Variants in FBXL7 observed in about 807,000 individuals in gnomAD.
FBXL7 encodes F-box/LRR-repeat protein 7.
In FBXL7, 12 loss-of-function variants were observed where a neutral mutation model predicts 38.3. That is an observed-to-expected ratio of 0.31 (90% CI 0.20 to 0.51). FBXL7 has a LOEUF of 0.51. Among genes scored for constraint, FBXL7 ranks in the 20% least tolerant of loss-of-function variants. FBXL7 has a pLI of 0.98. For missense variants in FBXL7, 567 were observed against 676.4 expected (o/e 0.84, Z 1.79); for synonymous variants, 297 against 300.9 (o/e 0.99, Z 0.13).
At chr5:15,698,765 T>G (rs1743425855) in intron 2 of FBXL7, among the ~76,000 whole-genome samples, 1 of 152,226 alleles carries the variant, frequency 6.6e-6, no homozygotes, top group Admixed American at 6.5e-5. Context: ...TAGAACAATT[T>G]TCCATAACAA....
intron 2 of FBXL7, among the ~76,000 whole-genome samples, chr5:15,860,934 A>G (rs1236057682): frequency 2.6e-5 from 4 of 152,192 alleles, no homozygotes; most frequent in Non-Finnish European, 4.4e-5. Flanking sequence ...GTTATGGTGG[A>G]ACCGCAGTTC....
chr5:15,796,636 C>T (rs999987087), intron 2 of FBXL7, among the ~76,000 whole-genome samples: 10 of 152,202 alleles, frequency 6.6e-5, no homozygotes, highest in African/African-American at 2.4e-4. Flanking sequence ...GTTTTATACC[C>T]TGCCGTGACA....
At chr5:15,754,464 T>C (rs562532442) in intron 2 of FBXL7, among the ~76,000 whole-genome samples, 148 of 152,208 alleles carry the variant, frequency 9.7e-4, no homozygotes, top group African/African-American at 2.9e-3. Context: ...AGCTGAGCAT[T>C]TGGTTGGACT....
rs567779790 is a variant in FBXL7, at chr5:15,933,989, G to GT, written c.740-2460dup. Among the ~76,000 whole-genome samples, 321 of 151,780 alleles carry GT rather than the reference G, an allele frequency of 2.1e-3. 1 individual carries two copies. The highest frequency in any genetic ancestry group is 3.6e-3 in the Non-Finnish European group (246 of 68,016). On this transcript the variant is annotated intron_variant, in intron 3 of 3. Transcript: ENST00000504595. ...TATAAAATATTAGGTTGGTGCAAAA[G>GT]TAATTGCGGTTTTTGTCTTTATTTA... is the stretch of plus-strand genomic sequence containing the variant.
At chr5:15,562,402 T>C (rs968061921) in intron 1 of FBXL7, among the ~76,000 whole-genome samples, 6 of 152,130 alleles carry the variant, frequency 3.9e-5, no homozygotes, top group South Asian at 2.1e-4. Flanking sequence ...AAGGAACTTA[T>C]GTAACTCAAT....
chr5:15,524,754 A>T (rs866525634), intron 1 of FBXL7, among the ~76,000 whole-genome samples: 3 of 152,214 alleles, frequency 2.0e-5, no homozygotes, highest in Non-Finnish European at 4.4e-5. Flanking sequence ...TCCATTTATC[A>T]TAGGAGATTA....
At chr5:15,871,200 G>A (rs1490220604) in intron 2 of FBXL7, among the ~76,000 whole-genome samples, 1 of 152,168 alleles carries the variant, frequency 6.6e-6, no homozygotes, top group East Asian at 1.9e-4. Context: ...GCAAACTCCA[G>A]CAGACCTGCA....
At chr5:15,753,455 A>G (rs907298835) in intron 2 of FBXL7, among the ~76,000 whole-genome samples, 2 of 152,224 alleles carry the variant, frequency 1.3e-5, no homozygotes, top group African/African-American at 4.8e-5. Flanking sequence ...CAAAGGCTCC[A>G]AAATATGCAC....
chr5:15,552,438 A>G (rs764396189), intron 1 of FBXL7, among the ~76,000 whole-genome samples: 3 of 152,086 alleles, frequency 2.0e-5, no homozygotes, highest in Non-Finnish European at 4.4e-5. Flanking sequence ...GGTCTCATTG[A>G]CTCACACATT....
intron 2 of FBXL7, among the ~76,000 whole-genome samples, chr5:15,775,257 GT>G (rs559391933): frequency 6.6e-5 from 10 of 152,036 alleles, no homozygotes; most frequent in Admixed American, 3.9e-4. Context: ...TTAGAGTTGG[GT>G]TTTTTGTTAT....
At chr5:15,853,445 G>A (rs1413761633) in intron 2 of FBXL7, among the ~76,000 whole-genome samples, 1 of 152,080 alleles carries the variant, frequency 6.6e-6, no homozygotes, top group Non-Finnish European at 1.5e-5. Context: ...TAGAGACCTC[G>A]AGTTGAGAGA....
intron 2 of FBXL7, among the ~76,000 whole-genome samples, chr5:15,776,674 A>G (rs1030536046): frequency 2.0e-5 from 3 of 152,140 alleles, no homozygotes; most frequent in Admixed American, 1.3e-4. Context: ...AATTTCTCGC[A>G]TATGTTTCTT....
intron 2 of FBXL7, among the ~76,000 whole-genome samples, chr5:15,648,361 G>T (rs1741603819): frequency 6.6e-6 from 1 of 152,180 alleles, no homozygotes; most frequent in South Asian, 2.1e-4. Flanking sequence ...AGGTGAAAGG[G>T]TGTGTATGAA....
chr5:15,719,169 G>A (rs547819380), intron 2 of FBXL7, among the ~76,000 whole-genome samples: 45 of 151,754 alleles, frequency 3.0e-4, no homozygotes, highest in East Asian at 1.6e-3. Flanking sequence ...TTACACCCTC[G>A]TTTTTTTTCC....
chr5:15,719,080 C>G (rs965372477), intron 2 of FBXL7, among the ~76,000 whole-genome samples: 1 of 152,158 alleles, frequency 6.6e-6, no homozygotes, highest in Non-Finnish European at 1.5e-5. Context: ...CTACAGTTAT[C>G]GGAAGGCCAG....
intron 2 of FBXL7, among the ~76,000 whole-genome samples, chr5:15,767,916 T>A (rs1471763996): frequency 2.6e-5 from 4 of 152,208 alleles, no homozygotes; most frequent in African/African-American, 9.6e-5. Context: ...TTCTTAATAA[T>A]CACACATTTT....
At position 15,928,365 on chromosome 5, in the gene FBXL7, C is replaced by T. The variant is rs1024392009; in HGVS notation, c.603C>T (p.Asp201=). ...VTVSGCRRLT[D]RGLYTIAQCC... ...TCAGTGGCTGCAGGCGGCTCACAGA[C>T]CGAGGGCTGTACACCATCGCCCAGT... is the stretch of plus-strand genomic sequence containing the variant. Residue 201 remains aspartate, a synonymous_variant, in exon 3 of 4, where the codon GAC becomes GAT. Transcript: ENST00000504595. The surrounding 1 kb of genome is among the most constrained non-coding windows in gnomAD (Gnocchi z 4.0). The T allele has an allele frequency of 1.7e-5, 27 of 1,614,014 alleles. No homozygotes were observed. Among genetic ancestry groups the T allele is most frequent in the Non-Finnish European group, 2.3e-5 (27 of 1,179,902 alleles).
chr5:15,727,031 T>G (rs1735422159), intron 2 of FBXL7, among the ~76,000 whole-genome samples: 1 of 152,174 alleles, frequency 6.6e-6, no homozygotes, highest in African/African-American at 2.4e-5. Flanking sequence ...AAGGATTACA[T>G]TTAACATCCT....
chr5:15,635,544 A>G (rs1741153012), intron 2 of FBXL7, among the ~76,000 whole-genome samples: 1 of 152,190 alleles, frequency 6.6e-6, no homozygotes, highest in South Asian at 2.1e-4. Flanking sequence ...GATGTATTTC[A>G]GCTATTTTTA....
Sources: gnomAD v4.1 joint callset for allele counts (sites outside exome capture counted in the v4.1 genomes callset) on GRCh38, gnomAD v4.1.1 for gene constraint, Gnocchi (gnomAD v3.1) non-coding constraint, MANE v1.5 for transcripts, NCBI Gene and HGNC (gene_info 2026-07-23, HGNC 2026-07-21) for gene names.